The following CRIP2 variants were observed in gnomAD, a reference collection of about 807,000 sequenced individuals.
CRIP2 encodes cysteine-rich protein 2.
Under a neutral mutation model 31.3 loss-of-function variants are expected in CRIP2, and 31 were observed. The ratio of observed to expected loss-of-function variants is 0.99; its 90% confidence interval spans 0.74 to 1.34. The LOEUF is 1.34. Ranked by LOEUF, CRIP2 falls within the 40% of genes most tolerant of loss-of-function variation. CRIP2 has a pLI of 0.00. For missense variants in CRIP2, 389 were observed against 301.6 expected (o/e 1.29, Z -2.15); for synonymous variants, 177 against 127.2 (o/e 1.39, Z -2.63).
intron 1 of CRIP2, chr14:105,475,353 T>G: frequency 6.3e-6 from 1 of 158,092 alleles, no homozygotes; most frequent in Non-Finnish European, 1.4e-5. Flanking sequence ...CGGGAACAAG[T>G]GGCCGGGAAC....
chr14:105,479,007 G>A lies in CRIP2; in HGVS notation c.366G>A (p.Glu122=), dbSNP rs782603931. The change falls in exon 5 of 8, where the codon GAG becomes GAA. Residue 122 remains glutamate (E), a synonymous_variant. Transcript: ENST00000329146. ...RASSVTTFTG[E]PNTCPRCSKK... is the part of the protein sequence containing the mutation. ...CCAGTGTCACCACTTTCACCGGGGA[G>A]CCCAACACGTGCCCGCGCTGCAGCA... The A allele has an allele frequency of 1.1e-4, 174 of 1,583,418 alleles. No homozygotes were observed. The highest frequency in any genetic ancestry group is 1.4e-4 in the Non-Finnish European group (162 of 1,168,210).
Position 105,478,602 on chromosome 14 carries a change from C to G in CRIP2, c.196+95C>G. The G allele has an allele frequency of 6.6e-7, 1 of 1,523,402 alleles. No individual in the cohort carries two copies. Among genetic ancestry groups the G allele is most frequent in the Non-Finnish European group, 8.8e-7 (1 of 1,133,632 alleles). 94.4% of individuals were successfully genotyped at this position (1,523,402 alleles called of 1,614,324 possible). On this transcript the variant is annotated intron_variant, in intron 3 of 7. Transcript: ENST00000329146. This position sits in a 1 kb window ranked among gnomAD's most constrained non-coding sequence, Gnocchi z 4.9. ...GCTGGGGGTCCCGGCCGCCGTGGAT[C>G]CCCGCCCAGAGTCCCTGCCACCCTG...
intron 1 of CRIP2, chr14:105,476,041 GCTT>G (rs2083925840): frequency 1.0e-6 from 1 of 985,480 alleles, no homozygotes; most frequent in Non-Finnish European, 1.2e-6. Context: ...GGCCTGGAGT[GCTT>G]CTGGCGTGGC....
intron 1 of CRIP2, chr14:105,475,391 C>A (rs1297217355): frequency 6.5e-6 from 1 of 154,368 alleles, no homozygotes; most frequent in Non-Finnish European, 1.4e-5. Flanking sequence ...ACTCCGGGCT[C>A]CGCTGAGCTG....
chr14:105,479,108 C>T lies in CRIP2; in HGVS notation c.407-17C>T, dbSNP rs1555436701. Reference sequence around the variant, plus strand: ...GCCCCCGCCCCGGGGCTCGGCCTCACTCCTCCCCCTTTCCAGCTGAGAAGG... The same window carrying T: ...GCCCCCGCCCCGGGGCTCGGCCTCATTCCTCCCCCTTTCCAGCTGAGAAGG... On this transcript the variant is annotated splice_polypyrimidine_tract_variant and intron_variant, in intron 5 of 7. Coordinates refer to ENST00000329146, the MANE Select transcript of CRIP2 (RefSeq NM_001312.4). 5.6e-6 allele frequency: 9 copies of T among 1,610,636 alleles called. No individual in the cohort carries two copies. The highest frequency in any genetic ancestry group is 1.7e-5 in the Admixed American group (1 of 59,904).
chr14:105,475,240 G>T (rs918002323), intron 1 of CRIP2: 2 of 248,564 alleles, frequency 8.0e-6, no homozygotes, highest in Non-Finnish European at 7.7e-6. Flanking sequence ...CTCGGACGGC[G>T]CCGGGCGGGG....
chr14:105,474,642 A>T, upstream of CRIP2: 1 of 339,006 alleles, frequency 2.9e-6, no homozygotes, highest in Non-Finnish European at 4.1e-6. The surrounding 1 kb of genome is among the most constrained non-coding windows in gnomAD (Gnocchi z 5.1). Flanking sequence ...CGGGGGCGCC[A>T]GGCCTGGCCC....
chr14:105,478,503 C>T lies in CRIP2; in HGVS notation c.192C>T (p.Pro64=), dbSNP rs781991204. 2 of 1,608,968 alleles carry T rather than the reference C, an allele frequency of 1.2e-6. No individual in the cohort carries two copies. The highest frequency in any genetic ancestry group is 2.2e-5 in the East Asian group (1 of 44,806). The change falls in exon 3 of 8, where the codon CCC becomes CCT. Residue 64 remains proline (P), a synonymous_variant. Coordinates refer to ENST00000329146, the MANE Select transcript of CRIP2 (RefSeq NM_001312.4). This position sits in a 1 kb window ranked among gnomAD's most constrained non-coding sequence, Gnocchi z 4.9. ...HKPCYATLFG[P]KGVNIGGAGS... ...CGTGCTACGCCACCCTGTTCGGACC[C>T]AAAGGTGAGCTCCGGCTGCCCTCGG... is the stretch of plus-strand genomic sequence containing the variant.
Position 105,478,770 on chromosome 14 carries a change from A to G in CRIP2, c.236A>G (p.Lys79Arg). 2 of 1,430,294 alleles carry G rather than the reference A, an allele frequency of 1.4e-6. No homozygotes were observed. Among genetic ancestry groups the G allele is most frequent in the East Asian group, 5.2e-5 (2 of 38,696 alleles). 88.6% of individuals were successfully genotyped at this position (1,430,294 alleles called of 1,614,324 possible). A position where few individuals can be genotyped will look rare whatever the true frequency, so the allele number is the denominator to read the frequency against. Residue 79 changes from lysine (K) to arginine (R), a missense_variant, in exon 4 of 8, where the codon AAG (lysine) becomes AGG (arginine). Lys to Arg is a conservative substitution (Grantham distance 26). Coordinates refer to ENST00000329146, the MANE Select transcript of CRIP2 (RefSeq NM_001312.4). The surrounding 1 kb of genome is among the most constrained non-coding windows in gnomAD (Gnocchi z 4.9). Reference sequence around the variant, plus strand: ...GGCGCGGGCTCCTACATCTACGAGAAGCCCCTGGCGGAGGGGCCGCAGGTC... The same window carrying G: ...GGCGCGGGCTCCTACATCTACGAGAGGCCCCTGGCGGAGGGGCCGCAGGTC... Reference protein sequence around the residue: ...IGGAGSYIYEKPLAEGPQVTG... With the variant: ...IGGAGSYIYERPLAEGPQVTG...
rs2084031521 is a variant in CRIP2, at chr14:105,479,234, A to G, written c.501+15A>G. 5 of 1,585,724 alleles carry G rather than the reference A, an allele frequency of 3.2e-6. No individual in the cohort carries two copies. The highest frequency in any genetic ancestry group is 4.5e-5 in the East Asian group (2 of 44,386). On this transcript the variant is annotated intron_variant, in intron 6 of 7. Coordinates refer to ENST00000329146, the MANE Select transcript of CRIP2 (RefSeq NM_001312.4). ...GGCACGCGGAGGTGAGGGGAGTGCA[A>G]CGGGGCTTGGGGGCCGGGCAGGGGC...
Position 105,478,297 on chromosome 14 carries a change from G to A in CRIP2, c.75G>A (p.Trp25Ter). 6.4e-7 allele frequency: 1 copy of A among 1,572,518 alleles called. No homozygotes were observed. Among genetic ancestry groups the A allele is most frequent in the Non-Finnish European group, 8.6e-7 (1 of 1,161,024 alleles). Residue 25 changes from tryptophan (W) to a stop codon, truncating the protein, a stop_gained, in exon 2 of 8, where the codon TGG becomes TGA. Transcript: ENST00000329146. LOFTEE classifies it high-confidence loss of function. The surrounding 1 kb of genome is among the most constrained non-coding windows in gnomAD (Gnocchi z 4.9). The part of the protein sequence containing the change: ...AEKVSSLGKD[W>*]HKFCLKCERC... The stretch of plus-strand genomic sequence containing the variant: ...AGGTGAGCTCCCTGGGGAAGGACTG[G>A]CACAAGTTCTGCCTCAAGTGCGAGC...
At chr14:105,476,884 A>G in intron 1 of CRIP2, 1 of 551,588 alleles carries the variant, frequency 1.8e-6, no homozygotes, top group Non-Finnish European at 2.3e-6. Flanking sequence ...GCCAGTATTC[A>G]CAGCCCTCTA....
At chr14:105,473,373 G>A (rs1005958548), upstream of CRIP2, 2 of 1,535,592 alleles carry the variant, frequency 1.3e-6, no homozygotes, top group Non-Finnish European at 1.7e-6. Context: ...CCATGGAAAT[G>A]GCAGTGGCTG....
Position 105,479,044 on chromosome 14 carries a change from T to C in CRIP2, c.403T>C (p.Phe135Leu), listed in dbSNP as rs1344201624. The C allele has an allele frequency of 6.3e-7, 1 of 1,577,402 alleles. No individual in the cohort carries two copies. Among genetic ancestry groups the C allele is most frequent in the Non-Finnish European group, 8.6e-7 (1 of 1,163,820 alleles). The part of the protein sequence containing the change: ...TCPRCSKKVY[F>L]AEKVTSLGKD... ...CCCGCGCTGCAGCAAGAAGGTGTAC[T>C]TCGGTGAGTGCGCGCCCGGGCCCCG... The change falls in exon 5 of 8, where the codon TTC becomes CTC. Residue 135 changes from phenylalanine to leucine, a missense_variant. Phe to Leu is a conservative substitution (Grantham distance 22). Transcript: ENST00000329146.
Position 105,478,187 on chromosome 14 carries a change from G to A in CRIP2, c.44-79G>A, listed in dbSNP as rs1340009766. On this transcript the variant is annotated intron_variant, in intron 1 of 7. Coordinates refer to ENST00000329146, the MANE Select transcript of CRIP2 (RefSeq NM_001312.4). The surrounding 1 kb of genome is among the most constrained non-coding windows in gnomAD (Gnocchi z 4.9). ...AGTGGGGACCCCCGGAGCGCGTGGG[G>A]GTGGTGGCTGCCAGGTGGGGGCGGA... is the stretch of plus-strand genomic sequence containing the variant. 8 of 1,164,162 alleles carry A rather than the reference G, an allele frequency of 6.9e-6. No homozygotes were observed. The highest frequency in any genetic ancestry group is 9.3e-6 in the Non-Finnish European group (8 of 860,692). The allele number at this position is 1,164,162 out of a possible 1,614,324, so 72.1% of individuals were successfully genotyped here.
chr14:105,478,174 C>A lies in CRIP2; in HGVS notation c.44-92C>A. 9.5e-7 allele frequency: 1 copy of A among 1,048,954 alleles called. No homozygotes were observed. Among genetic ancestry groups the A allele is most frequent in the Non-Finnish European group, 1.3e-6 (1 of 760,112 alleles). The allele number at this position is 1,048,954 out of a possible 1,614,324, so 65.0% of individuals were successfully genotyped here. On this transcript the variant is annotated intron_variant, in intron 1 of 7. Coordinates refer to ENST00000329146, the MANE Select transcript of CRIP2 (RefSeq NM_001312.4). The surrounding 1 kb of genome is among the most constrained non-coding windows in gnomAD (Gnocchi z 4.9). ...GAGACCTCCTGAAAGTGGGGACCCC[C>A]GGAGCGCGTGGGGGTGGTGGCTGCC...
In CRIP2 at chr14:105,474,934, C is replaced by G. The variant is rs782536262; in HGVS notation, c.43+29C>G. ...AGTGCGTGCCCGCTCCCGGCCCGCT[C>G]GGTGCATCCCGCCGCCCTTCGCGGC... On this transcript the variant is annotated intron_variant, in intron 1 of 7. Transcript: ENST00000329146. This position sits in a 1 kb window ranked among gnomAD's most constrained non-coding sequence, Gnocchi z 5.1. The G allele has an allele frequency of 3.4e-6, 5 of 1,488,380 alleles. No homozygotes were observed. The highest frequency in any genetic ancestry group is 6.1e-5 in the East Asian group (2 of 33,042). The allele number at this position is 1,488,380 out of a possible 1,614,324, so 92.2% of individuals were successfully genotyped here.
In CRIP2 at chr14:105,479,583, C is replaced by T; in HGVS notation, c.560-3C>T. 6.2e-7 allele frequency: 1 copy of T among 1,612,854 alleles called. No individual in the cohort carries two copies. The highest frequency in any genetic ancestry group is 8.5e-7 in the Non-Finnish European group (1 of 1,179,938). ...GACCCACCCCAGCGGCCTCCCTCCACAGGAGTGAACACCGGTGCGGTGGGC... is the reference window on the plus strand; with the variant it reads ...GACCCACCCCAGCGGCCTCCCTCCATAGGAGTGAACACCGGTGCGGTGGGC... On this transcript the variant is annotated splice_polypyrimidine_tract_variant and splice_region_variant and intron_variant, in intron 7 of 7. Coordinates refer to ENST00000329146, the MANE Select transcript of CRIP2 (RefSeq NM_001312.4).
chr14:105,474,018 T>G, upstream of CRIP2: 1 of 162,604 alleles, frequency 6.1e-6, no homozygotes, highest in Non-Finnish European at 1.4e-5. This position sits in a 1 kb window ranked among gnomAD's most constrained non-coding sequence, Gnocchi z 5.1. Flanking sequence ...TGGGTGGAAG[T>G]GCTTGGGGTG....
Sources: gnomAD v4.1 joint callset for allele counts on GRCh38, gnomAD v4.1.1 for gene constraint, Gnocchi (gnomAD v3.1) non-coding constraint, MANE v1.5 for transcripts, NCBI Gene and HGNC (gene_info 2026-07-23, HGNC 2026-07-21) for gene names.